The following CNTNAP2 variants were observed in gnomAD, a reference collection of about 807,000 sequenced individuals.
The protein encoded by CNTNAP2 is contactin associated protein 2.
CNTNAP2 carries 98 observed loss-of-function variants against 155.2 expected under a neutral mutation model. That is an observed-to-expected ratio of 0.63 (90% CI 0.54 to 0.75). The LOEUF is 0.75. CNTNAP2 is among the 30% of genes least tolerant of loss of function. The pLI, the probability that CNTNAP2 is intolerant of heterozygous loss-of-function variation, is 0.00. For synonymous variants in CNTNAP2, 651 were observed against 631.2 expected (o/e 1.03, Z -0.47); for missense variants, 1,727 against 1,688.1 (o/e 1.02, Z -0.40).
intron 1 of CNTNAP2, among the ~76,000 whole-genome samples, chr7:146,357,962 T>C (rs1301859318): frequency 6.6e-6 from 1 of 151,782 alleles, no homozygotes; most frequent in East Asian, 1.9e-4. Context: ...TAAAGAGTTC[T>C]GCAAACTCAA....
Position 147,176,956 on chromosome 7 carries a change from TA to T in CNTNAP2, c.1348+44449del, listed in dbSNP as rs1802360156. On this transcript the variant is annotated intron_variant, in intron 8 of 23. Transcript: ENST00000361727. ...TATAATAGAATTATAATTCTAAATATAATTATAATTCTATATATAAAATTAT... is the reference window on the plus strand; with the variant it reads ...TATAATAGAATTATAATTCTAAATATATTATAATTCTATATATAAAATTAT... 2.2e-5 allele frequency among the ~76,000 whole-genome samples: 3 copies of T among 135,818 alleles called. No homozygotes were observed. In the South Asian group the frequency reaches 6.4e-4, roughly 29 times the overall value. 89.1% of individuals were successfully genotyped at this position (135,818 alleles called of 152,430 possible).
intron 1 of CNTNAP2, among the ~76,000 whole-genome samples, chr7:146,261,004 T>G (rs969036515): frequency 2.6e-5 from 4 of 152,146 alleles, no homozygotes; most frequent in African/African-American, 9.7e-5. Flanking sequence ...TGGCAGTGGT[T>G]TCTCCCAGGC....
intron 2 of CNTNAP2, among the ~76,000 whole-genome samples, chr7:146,802,962 C>G (rs1440893213): frequency 6.6e-6 from 1 of 152,018 alleles, no homozygotes; most frequent in African/African-American, 2.4e-5. Context: ...AGAGAAGTGA[C>G]TGACATAATC....
chr7:147,605,844 AC>A (rs375599137), intron 12 of CNTNAP2, among the ~76,000 whole-genome samples: 3 of 151,608 alleles, frequency 2.0e-5, no homozygotes, highest in Non-Finnish European at 4.4e-5. Context: ...TGTTTTGTGG[AC>A]CCCAGCACCT....
chr7:147,189,747 T>TG (rs199833755), intron 8 of CNTNAP2, among the ~76,000 whole-genome samples: 56,759 of 149,230 alleles, frequency 0.38, 11,430 homozygotes, highest in East Asian at 0.61. Context: ...CACCACTTTT[T>TG]TTTGTTGTTG....
intron 2 of CNTNAP2, among the ~76,000 whole-genome samples, chr7:146,787,067 A>T (rs1381695832): frequency 6.6e-6 from 1 of 152,248 alleles, no homozygotes; most frequent in Non-Finnish European, 1.5e-5. Context: ...TGTCTGGCAC[A>T]TACATATTTG....
Position 148,072,572 on chromosome 7 carries a change from G to A in CNTNAP2, c.2384-45546G>A, listed in dbSNP as rs142267387. On this transcript the variant is annotated intron_variant, in intron 15 of 23. Transcript: ENST00000361727. ...AAAAGCCATTCTTAGCCTGTGGGTC[G>A]CACAAAAACAGGCAGCAGGCCATGG... Among the ~76,000 whole-genome samples the A allele has an allele frequency of 3.5e-3, 538 of 152,196 alleles. 2 individuals are homozygous for A. Among genetic ancestry groups the A allele is most frequent in the African/African-American group, 0.012 (504 of 41,524 alleles).
chr7:146,216,178 T>C (rs1434225258), intron 1 of CNTNAP2, among the ~76,000 whole-genome samples: 4 of 151,924 alleles, frequency 2.6e-5, no homozygotes, highest in African/African-American at 9.7e-5. Context: ...GGCAAATGAG[T>C]CTTCAGGGAC....
chr7:146,568,882 AT>A (rs1393651926), intron 1 of CNTNAP2, among the ~76,000 whole-genome samples: 1 of 152,042 alleles, frequency 6.6e-6, no homozygotes, highest in East Asian at 1.9e-4. Flanking sequence ...TCGTATTAAT[AT>A]TTATCCCAAG....
At chr7:148,054,600 A>G (rs1483403620) in intron 15 of CNTNAP2, among the ~76,000 whole-genome samples, 1 of 152,016 alleles carries the variant, frequency 6.6e-6, no homozygotes, top group Non-Finnish European at 1.5e-5. Context: ...TATGCTCCCT[A>G]ACTACAACTT....
chr7:148,040,775 C>A (rs1802658988), intron 15 of CNTNAP2, among the ~76,000 whole-genome samples: 1 of 152,086 alleles, frequency 6.6e-6, no homozygotes, highest in Non-Finnish European at 1.5e-5. Flanking sequence ...GATTCCCAGT[C>A]TAGGTGTGGA....
At chr7:147,219,964 T>G (rs1344444692) in intron 8 of CNTNAP2, among the ~76,000 whole-genome samples, 2 of 106,652 alleles carry the variant, frequency 1.9e-5, no homozygotes, top group Non-Finnish European at 4.3e-5. Context: ...TTTTTTTTTG[T>G]ATTTTTAGTG....
At chr7:146,664,887 T>C (rs147243051) in intron 1 of CNTNAP2, among the ~76,000 whole-genome samples, 2 of 152,302 alleles carry the variant, frequency 1.3e-5, no homozygotes, top group African/African-American at 4.8e-5. Flanking sequence ...TGTGTCGACT[T>C]CATCCAAGTT....
intron 1 of CNTNAP2, among the ~76,000 whole-genome samples, chr7:146,434,444 G>A (rs1279322566): frequency 6.6e-6 from 1 of 152,168 alleles, no homozygotes; most frequent in African/African-American, 2.4e-5. Context: ...AAACTTTCAA[G>A]CATGGATTAA....
intron 1 of CNTNAP2, among the ~76,000 whole-genome samples, chr7:146,767,102 T>G (rs1421657354): frequency 7.9e-5 from 12 of 152,208 alleles, no homozygotes; most frequent in Admixed American, 7.9e-4. Flanking sequence ...CTAATTGTAC[T>G]TCTCTTCATG....
chr7:147,049,529 T>C (rs563576106), intron 4 of CNTNAP2, among the ~76,000 whole-genome samples: 1 of 93,136 alleles, frequency 1.1e-5, no homozygotes, highest in South Asian at 3.5e-4. Context: ...AGGAATCATA[T>C]AACTTTGAGT....
At chr7:147,611,401 C>T (rs752632159) in intron 12 of CNTNAP2, among the ~76,000 whole-genome samples, 5 of 152,172 alleles carry the variant, frequency 3.3e-5, no homozygotes, top group African/African-American at 7.2e-5. Context: ...GGAAGATTAG[C>T]TTGTCTAAGT....
chr7:146,248,903 C>T (rs372177448), intron 1 of CNTNAP2, among the ~76,000 whole-genome samples: 7 of 152,022 alleles, frequency 4.6e-5, no homozygotes, highest in African/African-American at 9.7e-5. Flanking sequence ...AGGCTGAGTC[C>T]GAAAAGAGAG....
intron 3 of CNTNAP2, among the ~76,000 whole-genome samples, chr7:147,022,743 T>A (rs1164135522): frequency 6.6e-6 from 1 of 152,154 alleles, no homozygotes; most frequent in Non-Finnish European, 1.5e-5. Flanking sequence ...AAACTACTTT[T>A]ATCCCAATTC....
Sources: allele counts gnomAD v4.1 joint callset (sites outside exome capture counted in the v4.1 genomes callset), GRCh38; gene constraint gnomAD v4.1.1; transcripts MANE v1.5; gene names NCBI Gene and HGNC (gene_info 2026-07-23, HGNC 2026-07-21).